Variants in ADAMTS6 observed in about 807,000 individuals in gnomAD.
The protein encoded by ADAMTS6 is ADAM metallopeptidase with thrombospondin type 1 motif 6.
ADAMTS6 carries 23 observed loss-of-function variants against 144.3 expected under a neutral mutation model. That is an observed-to-expected ratio of 0.16 (90% CI 0.11 to 0.23). The LOEUF (loss-of-function observed/expected upper bound fraction) is 0.23. Among genes scored for constraint, ADAMTS6 ranks in the 10% least tolerant of loss-of-function variants. ADAMTS6 has a pLI of 1.00. For synonymous variants in ADAMTS6, 444 were observed against 457.5 expected, an observed-to-expected ratio of 0.97 and a Z score of 0.38; for missense variants, 999 against 1,379.6, an observed-to-expected ratio of 0.72 and a Z score of 4.37.
chr5:65,288,046 T>G (rs1741867347), intron 11 of ADAMTS6, among the ~76,000 whole-genome samples: 1 of 152,114 alleles, frequency 6.6e-6, no homozygotes, highest in Non-Finnish European at 1.5e-5. Flanking sequence ...TAAGAAAAGA[T>G]GATATGCAAG....
At chr5:65,375,906 A>G (rs1189830733) in intron 7 of ADAMTS6, among the ~76,000 whole-genome samples, 1 of 152,228 alleles carries the variant, frequency 6.6e-6, no homozygotes, top group Non-Finnish European at 1.5e-5. Context: ...TGTGGCACAT[A>G]TACACCATGG....
At position 65,436,348 on chromosome 5, in the gene ADAMTS6, A is replaced by G. The variant is rs530251612; in HGVS notation, c.1073+15127T>C. On this transcript the variant is annotated intron_variant, in intron 7 of 24. Transcript: ENST00000381055. ...AAGCCCAATTAAAGGATTGAAGGCCACCGATTTATTTCTTATCAAATTTGC... is the reference window on the plus strand; with the variant it reads ...AAGCCCAATTAAAGGATTGAAGGCCGCCGATTTATTTCTTATCAAATTTGC... Among the ~76,000 whole-genome samples, 6 of 152,294 alleles carry G rather than the reference A, an allele frequency of 3.9e-5. 1 individual carries two copies. The South Asian group carries it at 1.2e-3, about 32-fold the overall frequency.
chr5:65,454,613 T>C (rs774218425), intron 4 of ADAMTS6, among the ~76,000 whole-genome samples: 7 of 152,172 alleles, frequency 4.6e-5, no homozygotes, highest in Non-Finnish European at 8.8e-5. Context: ...ACAGCAAAGA[T>C]GATGAGATGC....
intron 7 of ADAMTS6, among the ~76,000 whole-genome samples, chr5:65,433,837 G>GA (rs1757182022): frequency 6.6e-6 from 1 of 152,156 alleles, no homozygotes; most frequent in Non-Finnish European, 1.5e-5. Flanking sequence ...AGCCACTTTG[G>GA]AAAACAGCCT....
chr5:65,361,316 G>A (rs1412821357), intron 7 of ADAMTS6, among the ~76,000 whole-genome samples: 22 of 152,052 alleles, frequency 1.4e-4, no homozygotes, highest in Admixed American at 1.4e-3. Flanking sequence ...CAATTATGCC[G>A]AGTGTCTCAG....
At chr5:65,480,533 T>G (rs1467507917) in intron 1 of ADAMTS6, among the ~76,000 whole-genome samples, 3 of 152,146 alleles carry the variant, frequency 2.0e-5, no homozygotes, top group Non-Finnish European at 2.9e-5. Context: ...CACTCTCTTG[T>G]TCCCTCTCAG....
chr5:65,401,891 C>T (rs1753949372), intron 7 of ADAMTS6, among the ~76,000 whole-genome samples: 1 of 149,464 alleles, frequency 6.7e-6, no homozygotes, highest in African/African-American at 2.5e-5. Flanking sequence ...TTCTTCAATC[C>T]CTCCTTCTTT....
intron 7 of ADAMTS6, among the ~76,000 whole-genome samples, chr5:65,432,920 GTGAA>G (rs1757104801): frequency 6.6e-6 from 1 of 152,026 alleles, no homozygotes; most frequent in African/African-American, 2.4e-5. Context: ...TACATATGGG[GTGAA>G]TGAATGAATC....
chr5:65,438,237 A>G (rs1228547346), intron 7 of ADAMTS6, among the ~76,000 whole-genome samples: 1 of 152,208 alleles, frequency 6.6e-6, no homozygotes, highest in Admixed American at 6.5e-5. Flanking sequence ...AGTATAAAAA[A>G]AAGATTCTGG....
intron 7 of ADAMTS6, among the ~76,000 whole-genome samples, chr5:65,344,397 T>G (rs1023220030): frequency 9.2e-5 from 14 of 151,874 alleles, no homozygotes; most frequent in Non-Finnish European, 2.1e-4. Context: ...TTTCTATACA[T>G]CCACAAAAAT....
chr5:65,423,074 A>C (rs762671307), intron 7 of ADAMTS6, among the ~76,000 whole-genome samples: 14 of 152,228 alleles, frequency 9.2e-5, no homozygotes, highest in Non-Finnish European at 1.6e-4. Context: ...GGAGTGGAAA[A>C]CCAAATACTG....
intron 22 of ADAMTS6, among the ~76,000 whole-genome samples, chr5:65,176,100 C>T (rs1753958427): frequency 6.8e-6 from 1 of 147,588 alleles, no homozygotes; most frequent in South Asian, 2.1e-4. Flanking sequence ...GAATGGTTAT[C>T]ATCTTCGGAA....
chr5:65,402,531 C>G (rs187718760), intron 7 of ADAMTS6, among the ~76,000 whole-genome samples: 1 of 152,230 alleles, frequency 6.6e-6, no homozygotes, highest in Admixed American at 6.5e-5. Context: ...ATTATTTACT[C>G]TCAGCTAATG....
At chr5:65,332,312 TAGAG>T (rs10673039) in intron 8 of ADAMTS6, among the ~76,000 whole-genome samples, 4,314 of 101,898 alleles carry the variant, frequency 0.042, 105 homozygotes, top group Middle Eastern at 0.068. Flanking sequence ...TATATATATA[TAGAG>T]AGAGAGAGAG....
chr5:65,240,217 G>A (rs1022411647), intron 15 of ADAMTS6, among the ~76,000 whole-genome samples: 5 of 151,606 alleles, frequency 3.3e-5, no homozygotes, highest in African/African-American at 4.9e-5. Flanking sequence ...TGATTCTCCC[G>A]CCTCAGCCTC....
intron 7 of ADAMTS6, among the ~76,000 whole-genome samples, chr5:65,400,466 T>C (rs566599336): frequency 2.6e-5 from 4 of 152,308 alleles, no homozygotes; most frequent in East Asian, 1.9e-4. Flanking sequence ...GCCTCTTGCA[T>C]TGGCCTCTCA....
intron 7 of ADAMTS6, among the ~76,000 whole-genome samples, chr5:65,427,090 GAAGTAA>G (rs946801272): frequency 6.6e-6 from 1 of 152,026 alleles, no homozygotes; most frequent in African/African-American, 2.4e-5. Context: ...AAAAGGGTTA[GAAGTAA>G]AAGGATAGAA....
intron 11 of ADAMTS6, among the ~76,000 whole-genome samples, chr5:65,285,090 A>G (rs1763262776): frequency 6.6e-6 from 1 of 152,144 alleles, no homozygotes; most frequent in Non-Finnish European, 1.5e-5. Flanking sequence ...CACTTTATAA[A>G]AGCCTTTAAT....
intron 7 of ADAMTS6, among the ~76,000 whole-genome samples, chr5:65,400,998 A>T (rs1753870093): frequency 6.6e-6 from 1 of 152,224 alleles, no homozygotes; most frequent in Non-Finnish European, 1.5e-5. Flanking sequence ...TAATCATAGT[A>T]GTAAATTCCA....
Sources: allele counts gnomAD v4.1 joint callset (sites outside exome capture counted in the v4.1 genomes callset), GRCh38; gene constraint gnomAD v4.1.1; transcripts MANE v1.5; gene names NCBI Gene and HGNC (gene_info 2026-07-23, HGNC 2026-07-21).